Variants in ZNF804B observed in about 807,000 individuals in gnomAD.
The protein encoded by ZNF804B is zinc finger protein 804B, also known as zinc finger 804B.
ZNF804B carries 80 observed loss-of-function variants against 101.4 expected under a neutral mutation model. The ratio of observed to expected loss-of-function variants is 0.79; its 90% CI spans 0.66 to 0.95. The LOEUF is 0.95. Among genes scored for constraint, ZNF804B ranks in the 40% least tolerant of loss-of-function variants. ZNF804B has a pLI of 0.00. For synonymous variants in ZNF804B, 622 were observed against 558.8 expected, an observed-to-expected ratio of 1.11 and a Z score of -1.59; for missense variants, 1,673 against 1,561.9, an observed-to-expected ratio of 1.07 and a Z score of -1.20.
intron 1 of ZNF804B, among the ~76,000 whole-genome samples, chr7:89,001,056 G>A (rs1788280140): frequency 6.8e-6 from 1 of 147,176 alleles, no homozygotes. Context: ...TCAGGGGTGG[G>A]GATGGGGTTG....
At chr7:89,218,380 C>T (rs1157280638) in intron 2 of ZNF804B, 85 bp downstream of exon 2, 42 of 1,454,288 alleles carry the variant, frequency 2.9e-5, no homozygotes, top group African/African-American at 4.3e-5. Context: ...TATTTACTGC[C>T]ATATAAGACT....
intron 1 of ZNF804B, among the ~76,000 whole-genome samples, chr7:88,855,553 T>G (rs1215237099): frequency 6.6e-6 from 1 of 152,160 alleles, no homozygotes; most frequent in African/African-American, 2.4e-5. Context: ...ATTCTGTAGG[T>G]TGCCTGTTCA....
intron 2 of ZNF804B, among the ~76,000 whole-genome samples, chr7:89,222,107 A>G (rs569751244): frequency 1.2e-4 from 19 of 152,132 alleles, no homozygotes; most frequent in Admixed American, 2.6e-4. Flanking sequence ...GTACTCAAGA[A>G]TAATAGGTCC....
chr7:89,055,616 G>A (rs893877161), intron 1 of ZNF804B, among the ~76,000 whole-genome samples: 3 of 152,000 alleles, frequency 2.0e-5, no homozygotes, highest in Admixed American at 2.0e-4. Flanking sequence ...AGTTAGAAGT[G>A]GGGGAAAGAC....
intron 1 of ZNF804B, among the ~76,000 whole-genome samples, chr7:88,763,772 TAGATA>T: frequency 6.6e-6 from 1 of 152,160 alleles, no homozygotes; most frequent in South Asian, 2.1e-4. Context: ...GATAGATAGA[TAGATA>T]GATAGATACA....
chr7:88,768,914 T>C (rs967471034), intron 1 of ZNF804B, among the ~76,000 whole-genome samples: 8 of 152,214 alleles, frequency 5.3e-5, no homozygotes, highest in Non-Finnish European at 1.2e-4. Flanking sequence ...CATTGACTAG[T>C]AATTTTATAA....
intron 1 of ZNF804B, among the ~76,000 whole-genome samples, chr7:88,966,980 A>G (rs1394803773): frequency 3.3e-5 from 5 of 150,222 alleles, no homozygotes; most frequent in Non-Finnish European, 7.4e-5. Flanking sequence ...TTTTTTTTCA[A>G]GTGTAATACA....
At chr7:89,220,047 A>ATGTATATACGCACATATATATGTGTG (rs1788971232) in intron 2 of ZNF804B, among the ~76,000 whole-genome samples, 1 of 38,762 alleles carries the variant, frequency 2.6e-5, no homozygotes, top group African/African-American at 1.2e-4. Context: ...ATATATGTGC[A>ATGTATATACGCACATATATATGTGTG]TATATACATA....
At position 89,336,062 on chromosome 7, in the gene ZNF804B, C is replaced by T; in HGVS notation, c.3080C>T (p.Ser1027Phe). The change falls in exon 4 of 4, where the codon TCT becomes TTT. Residue 1027 changes from serine to phenylalanine, a missense_variant. Coordinates refer to ENST00000333190, the MANE Select transcript of ZNF804B (RefSeq NM_181646.5). ...GACACTGATTGTGATAACCATCTTT[C>T]TAAAGGTATAATTCACCTAGTAACA... is the stretch of plus-strand genomic sequence containing the variant. Reference protein sequence around the residue: ...LADTDCDNHLSKGIIHLVTES... With the variant: ...LADTDCDNHLFKGIIHLVTES... 1 of 1,613,940 alleles carries T rather than the reference C, an allele frequency of 6.2e-7. No individual in the cohort carries two copies. The highest frequency in any genetic ancestry group is 8.5e-7 in the Non-Finnish European group (1 of 1,179,980).
intron 2 of ZNF804B, among the ~76,000 whole-genome samples, chr7:89,292,704 A>G (rs1790315636): frequency 2.1e-5 from 3 of 140,560 alleles, no homozygotes; most frequent in African/African-American, 7.7e-5. Context: ...ATCCTTACTT[A>G]CCAATAACAT....
chr7:89,005,344 TTTGTTG>T (rs920706016), intron 1 of ZNF804B, among the ~76,000 whole-genome samples: 1 of 151,884 alleles, frequency 6.6e-6, no homozygotes, highest in Non-Finnish European at 1.5e-5. Context: ...CATCACAGAT[TTTGTTG>T]TTGTTGTTGT....
At chr7:89,102,101 A>C (rs905761151) in intron 1 of ZNF804B, among the ~76,000 whole-genome samples, 1 of 151,982 alleles carries the variant, frequency 6.6e-6, no homozygotes, top group Admixed American at 6.6e-5. Context: ...GGTTGATTCC[A>C]TGACTTTGCT....
At chr7:89,256,192 C>A (rs1040135307) in intron 2 of ZNF804B, among the ~76,000 whole-genome samples, 2 of 152,030 alleles carry the variant, frequency 1.3e-5, no homozygotes, top group African/African-American at 4.8e-5. Flanking sequence ...GAGACTTTTA[C>A]AATATTCTAT....
chr7:89,101,283 G>A (rs1021261911), intron 1 of ZNF804B, among the ~76,000 whole-genome samples: 3 of 152,052 alleles, frequency 2.0e-5, no homozygotes, highest in African/African-American at 7.2e-5. Context: ...CCAATTTGGC[G>A]AGGTTGGCAT....
intron 1 of ZNF804B, among the ~76,000 whole-genome samples, chr7:88,768,100 G>A (rs983506073): frequency 2.6e-5 from 4 of 152,094 alleles, no homozygotes; most frequent in Non-Finnish European, 4.4e-5. Flanking sequence ...ATGAATGAAC[G>A]GAGGTGTGAA....
At chr7:88,995,129 TC>T (rs1041721451) in intron 1 of ZNF804B, among the ~76,000 whole-genome samples, 4 of 152,046 alleles carry the variant, frequency 2.6e-5, no homozygotes, top group Admixed American at 2.6e-4. Context: ...GGTTCTGTTC[TC>T]CCTGTGCACA....
intron 1 of ZNF804B, among the ~76,000 whole-genome samples, chr7:89,167,438 G>A (rs1409812073): frequency 9.5e-6 from 1 of 105,296 alleles, no homozygotes; most frequent in Non-Finnish European, 2.3e-5. Context: ...CAGCAAGACA[G>A]TGTCTTATAA....
At chr7:89,076,971 T>C (rs1374126048) in intron 1 of ZNF804B, among the ~76,000 whole-genome samples, 1 of 152,180 alleles carries the variant, frequency 6.6e-6, no homozygotes, top group East Asian at 1.9e-4. Context: ...CATATGCCAG[T>C]GAGAATGGCG....
At chr7:89,133,307 TG>T (rs1790580072) in intron 1 of ZNF804B, among the ~76,000 whole-genome samples, 2 of 152,042 alleles carry the variant, frequency 1.3e-5, no homozygotes, top group Admixed American at 1.3e-4. Flanking sequence ...TATTTTAGTC[TG>T]GGCCCTGAAG....
Sources: gnomAD v4.1 joint callset for allele counts (sites outside exome capture counted in the v4.1 genomes callset) on GRCh38, gnomAD v4.1.1 for gene constraint, MANE v1.5 for transcripts, NCBI Gene and HGNC (gene_info 2026-07-23, HGNC 2026-07-21) for gene names.